ADGRB1: variants seen among roughly 807,000 people sequenced by gnomAD.
The protein encoded by ADGRB1 is adhesion G protein-coupled receptor B1.
ADGRB1 carries 36 observed loss-of-function variants against 175.7 expected under a neutral mutation model. That is an observed-to-expected ratio of 0.20 (90% confidence interval 0.16 to 0.27). ADGRB1 has a LOEUF of 0.27. Ranked by LOEUF, ADGRB1 falls within the 10% of genes least tolerant of loss-of-function variation. The pLI is 1.00. For missense variants in ADGRB1, 1,731 were observed against 2,255.3 expected (o/e 0.77, Z 4.71); for synonymous variants, 1,054 against 979.4 (o/e 1.08, Z -1.42).
rs751928873 is a variant in ADGRB1 at position 142,542,135 on chromosome 8, G to A, written c.3901G>A (p.Asp1301Asn). 3.2e-5 allele frequency: 51 copies of A among 1,613,092 alleles called. No individual in the cohort carries two copies. The highest frequency in any genetic ancestry group is 3.6e-5 in the Non-Finnish European group (43 of 1,179,720). The stretch of plus-strand genomic sequence containing the variant: ...CCGCTATCCCGGCGGGCCCCTGCCC[G>A]ACTTCCCCAACCACTCACTGACCCT... ...SPRYPGGPLPDFPNHSLTLKR... is the reference protein window; with the variant it reads ...SPRYPGGPLPNFPNHSLTLKR... The change falls in exon 28 of 31, where the codon GAC (aspartate) becomes AAC (asparagine). Residue 1301 changes from aspartate to asparagine, a missense_variant. By Grantham distance (23) the Asp-to-Asn change is conservative. This residue lies in a region of ADGRB1 where 394 missense variants were observed against 410.2 expected (regional missense o/e 0.96). Coordinates refer to ENST00000517894, the MANE Select transcript of ADGRB1 (RefSeq NM_001702.3). This position sits in a 1 kb window ranked among gnomAD's most constrained non-coding sequence, Gnocchi z 6.3.
chr8:142,499,957 C>A (rs79543084), intron 17 of ADGRB1, among the ~76,000 whole-genome samples: 2 of 81,750 alleles, frequency 2.4e-5, no homozygotes, highest in African/African-American at 9.9e-5. Context: ...AATGCCCACC[C>A]GGTTCCTTTG....
At chr8:142,469,155 G>A (rs1840443927) in intron 2 of ADGRB1, among the ~76,000 whole-genome samples, 1 of 7,874 alleles carries the variant, frequency 1.3e-4, no homozygotes, top group Admixed American at 1.6e-3. Flanking sequence ...GTGCATGCGT[G>A]CATGTGTGTG....
Position 142,542,748 on chromosome 8 carries a change from G to C in ADGRB1, c.4413+101G>C. 1 of 1,152,376 alleles carries C rather than the reference G, an allele frequency of 8.7e-7. No individual in the cohort carries two copies. The allele number at this position is 1,152,376 out of a possible 1,614,324, so 71.4% of individuals were successfully genotyped here. A position where few individuals can be genotyped will look rare whatever the true frequency, so the allele number is the denominator to read the frequency against. ...GGGACCCCCACGCCGTCAGCGGGGC[G>C]GGCTGGCTCTGCCTCCTAGCTACAC... On this transcript the variant is annotated intron_variant, in intron 28 of 30. Transcript: ENST00000517894. This position sits in a 1 kb window ranked among gnomAD's most constrained non-coding sequence, Gnocchi z 6.3.
At chr8:142,452,507 C>T (rs142140164) in intron 1 of ADGRB1, among the ~76,000 whole-genome samples, 1 of 152,320 alleles carries the variant, frequency 6.6e-6, no homozygotes, top group Non-Finnish European at 1.5e-5. Flanking sequence ...GCTCCGGCCC[C>T]TCTCGGACCT....
In ADGRB1 at chr8:142,541,431, C is replaced by T. The variant is rs551486276; in HGVS notation, c.3707-510C>T. On this transcript the variant is annotated intron_variant, in intron 27 of 30. Transcript: ENST00000517894. Reference sequence around the variant, plus strand: ...GGAGGCTTGCAGGCCCCAGGGGCAGCGATGCAGGAAGGGCCGTGACAGAGG... The same window carrying T: ...GGAGGCTTGCAGGCCCCAGGGGCAGTGATGCAGGAAGGGCCGTGACAGAGG... Among the ~76,000 whole-genome samples the T allele has an allele frequency of 1.4e-3, 209 of 152,248 alleles. 7 individuals are homozygous for T. The South Asian group carries it at 0.038, about 27-fold the overall frequency.
chr8:142,485,266 T>C (rs534209302), intron 13 of ADGRB1, among the ~76,000 whole-genome samples: 1 of 152,296 alleles, frequency 6.6e-6, no homozygotes, highest in East Asian at 1.9e-4. Flanking sequence ...AGTGGCTGAA[T>C]CCCGGGGTAA....
chr8:142,484,770 C>A lies in ADGRB1; in HGVS notation c.2308+6C>A, dbSNP rs538968830. On this transcript the variant is annotated splice_donor_region_variant and intron_variant, in intron 13 of 30. Coordinates refer to ENST00000517894, the MANE Select transcript of ADGRB1 (RefSeq NM_001702.3). The stretch of plus-strand genomic sequence containing the variant: ...CCAGGTGACAGACAACCTGGGTAAG[C>A]CTGCCCGCCTGCTGCCACCCCCCAT... 6.3e-6 allele frequency: 10 copies of A among 1,578,384 alleles called. No individual in the cohort carries two copies. The highest frequency in any genetic ancestry group is 5.3e-5 in the Admixed American group (3 of 56,866).
chr8:142,492,076 C>A lies in ADGRB1; in HGVS notation c.2675+1261C>A, dbSNP rs1424382052. On this transcript the variant is annotated intron_variant, in intron 17 of 30. Transcript: ENST00000517894. The surrounding 1 kb of genome is among the most constrained non-coding windows in gnomAD (Gnocchi z 4.4). The stretch of plus-strand genomic sequence containing the variant: ...GACTCTCCACCTACCCACCACCCAT[C>A]CACCCTCTCCTCTGTCTGCCTGTTC... 1.3e-5 allele frequency among the ~76,000 whole-genome samples: 2 copies of A among 151,982 alleles called. No individual in the cohort carries two copies. Among genetic ancestry groups the A allele is most frequent in the African/African-American group, 4.8e-5 (2 of 41,374 alleles).
In ADGRB1 at chr8:142,544,343, G is replaced by T; in HGVS notation, c.4681G>T (p.Val1561Leu). ...GCCGTCGCCGCTGGAGCTTCGCAGC[G>T]TGGAGTGGGAGAGGTCGGGCGCCAC... ...LQPSPLELRS[V>L]EWERSGATIP... Residue 1561 changes from valine (V) to leucine (L), a missense_variant, in exon 31 of 31, where the codon GTG becomes TTG. Physicochemically the swap from Val to Leu is conservative, Grantham distance 32 (BLOSUM62 1). Transcript: ENST00000517894. 6.5e-7 allele frequency: 1 copy of T among 1,547,366 alleles called. No homozygotes were observed. The highest frequency in any genetic ancestry group is 1.2e-5 in the South Asian group (1 of 83,806).
chr8:142,512,674 A>C (rs1255038577), intron 18 of ADGRB1, among the ~76,000 whole-genome samples: 1 of 152,180 alleles, frequency 6.6e-6, no homozygotes, highest in African/African-American at 2.4e-5. Context: ...TGTAAAAGGG[A>C]GGGGACCTGG....
chr8:142,516,427 G>GTC (rs1843438364), intron 18 of ADGRB1, among the ~76,000 whole-genome samples: 3 of 143,442 alleles, frequency 2.1e-5, no homozygotes, highest in African/African-American at 5.2e-5. Context: ...CCAGGTGTGC[G>GTC]TGTGTGCGGG....
intron 1 of ADGRB1, among the ~76,000 whole-genome samples, chr8:142,456,425 G>C (rs1207533748): frequency 2.0e-5 from 3 of 152,042 alleles, no homozygotes; most frequent in Non-Finnish European, 4.4e-5. Flanking sequence ...CACCCTGCAC[G>C]TGCACACACT....
intron 17 of ADGRB1, among the ~76,000 whole-genome samples, chr8:142,491,104 C>T (rs1166079917): frequency 6.6e-6 from 1 of 152,198 alleles, no homozygotes; most frequent in Non-Finnish European, 1.5e-5. Context: ...CACCTGCCCC[C>T]AGCCCCCAGC....
Position 142,540,357 on chromosome 8 carries a change from C to T in ADGRB1, c.3706+944C>T, listed in dbSNP as rs550753113. 4.6e-5 allele frequency among the ~76,000 whole-genome samples: 7 copies of T among 152,392 alleles called. No individual in the cohort carries two copies. The South Asian group carries it at 1.4e-3, about 32-fold the overall frequency. On this transcript the variant is annotated intron_variant, in intron 27 of 30. Transcript: ENST00000517894. ...CCTGTGAACCAGTCCCACAGCCTCTCAGAGGGGTGACCCTAGGACTTGGGG... is the reference window on the plus strand; with the variant it reads ...CCTGTGAACCAGTCCCACAGCCTCTTAGAGGGGTGACCCTAGGACTTGGGG...
In ADGRB1 at chr8:142,544,614, C is replaced by A; in HGVS notation, c.*197C>A. 1.7e-6 allele frequency: 1 copy of A among 573,602 alleles called. No individual in the cohort carries two copies. Among genetic ancestry groups the A allele is most frequent in the Non-Finnish European group, 2.7e-6 (1 of 373,524 alleles). 35.5% of individuals were successfully genotyped at this position (573,602 alleles called of 1,614,324 possible). On this transcript the variant is annotated 3_prime_UTR_variant, in exon 31 of 31. Coordinates refer to ENST00000517894, the MANE Select transcript of ADGRB1 (RefSeq NM_001702.3). ...AGATGCAGGACAGGAGGCGGCCCGG[C>A]CAGCGGGCACAGGGCACCAGAGGCC...
chr8:142,519,488 C>T (rs1843636161), intron 19 of ADGRB1, among the ~76,000 whole-genome samples: 1 of 150,402 alleles, frequency 6.6e-6, no homozygotes, highest in Non-Finnish European at 1.5e-5. Context: ...TGATGGTGGT[C>T]CTGGTGGTGG....
At chr8:142,523,002 A>T (rs1843939258) in intron 22 of ADGRB1, among the ~76,000 whole-genome samples, 1 of 152,216 alleles carries the variant, frequency 6.6e-6, no homozygotes, top group Non-Finnish European at 1.5e-5. Flanking sequence ...TCTGAGCCTC[A>T]GTTTCCCCAT....
chr8:142,537,094 G>C lies in ADGRB1; in HGVS notation c.3666+12G>C. The C allele has an allele frequency of 6.7e-7, 1 of 1,491,324 alleles. No homozygotes were observed. The highest frequency in any genetic ancestry group is 8.9e-7 in the Non-Finnish European group (1 of 1,117,774). The allele number at this position is 1,491,324 out of a possible 1,614,324, so 92.4% of individuals were successfully genotyped here. A position where few individuals can be genotyped will look rare whatever the true frequency, so the allele number is the denominator to read the frequency against. On this transcript the variant is annotated intron_variant, in intron 26 of 30. Coordinates refer to ENST00000517894, the MANE Select transcript of ADGRB1 (RefSeq NM_001702.3). This position sits in a 1 kb window ranked among gnomAD's most constrained non-coding sequence, Gnocchi z 4.6. ...ACGCCCAGCTCATGGTAGGACTCAG[G>C]GCCCGGGGACTCAGGCTGCCCTACC...
rs761438528 is a variant in ADGRB1, at chr8:142,464,621, G to A, written c.423G>A (p.Gln141=). ...APLAFLQASK[Q]FLQMRRQQPP... is the part of the protein sequence containing the mutation. ...TGGCCTTCCTGCAGGCCAGCAAGCAGTTCCTGCAGATGCGGCGCCAGCAGC... is the reference window on the plus strand; with the variant it reads ...TGGCCTTCCTGCAGGCCAGCAAGCAATTCCTGCAGATGCGGCGCCAGCAGC... Residue 141 remains glutamine (Q), a synonymous_variant, in exon 2 of 31, where the codon CAG becomes CAA. Coordinates refer to ENST00000517894, the MANE Select transcript of ADGRB1 (RefSeq NM_001702.3). The A allele has an allele frequency of 3.9e-6, 6 of 1,523,546 alleles. No homozygotes were observed. Among genetic ancestry groups the A allele is most frequent in the South Asian group, 1.2e-5 (1 of 82,552 alleles). The allele number at this position is 1,523,546 out of a possible 1,614,324, so 94.4% of individuals were successfully genotyped here. A position where few individuals can be genotyped will look rare whatever the true frequency, so the allele number is the denominator to read the frequency against.
Sources: allele counts gnomAD v4.1 joint callset (sites outside exome capture counted in the v4.1 genomes callset), GRCh38; gene constraint gnomAD v4.1.1; regional missense constraint gnomAD v4.1.1; non-coding constraint Gnocchi (gnomAD v3.1); transcripts MANE v1.5; gene names NCBI Gene and HGNC (gene_info 2026-07-23, HGNC 2026-07-21).